TNRC6C: variants seen among roughly 807,000 people sequenced by gnomAD.
TNRC6C encodes the protein trinucleotide repeat-containing gene 6C protein.
TNRC6C carries 20 observed loss-of-function variants against 153.7 expected under a neutral mutation model. The ratio of observed to expected loss-of-function variants is 0.13; its 90% CI spans 0.09 to 0.19. TNRC6C has a LOEUF of 0.19. Ranked by LOEUF, TNRC6C falls within the 10% of genes least tolerant of loss-of-function variation. The pLI, the probability that TNRC6C is intolerant of heterozygous loss-of-function variation, is 1.00. For missense variants in TNRC6C, 1,987 were observed against 2,172.0 expected (o/e 0.91, Z 1.69); for synonymous variants, 811 against 841.4 (o/e 0.96, Z 0.63).
intron 1 of TNRC6C, among the ~76,000 whole-genome samples, chr17:78,014,947 C>T (rs767993642): frequency 3.6e-4 from 55 of 151,956 alleles, no homozygotes; most frequent in Non-Finnish European, 7.4e-4. Flanking sequence ...GGCAACTTCT[C>T]GCCACAATGT....
At chr17:78,059,846 CAAA>C (rs762507955) in intron 3 of TNRC6C, among the ~76,000 whole-genome samples, 17 of 77,660 alleles carry the variant, frequency 2.2e-4, no homozygotes, top group Admixed American at 4.3e-4. Context: ...GACCCTGTCT[CAAA>C]AAAAAAAAAA....
intron 1 of TNRC6C, among the ~76,000 whole-genome samples, chr17:78,022,128 T>G (rs1419610805): frequency 1.3e-5 from 2 of 152,172 alleles, no homozygotes; most frequent in Admixed American, 1.3e-4. Flanking sequence ...CTGTCATATA[T>G]TTGTCTTTGA....
At chr17:78,003,358 A>G (rs1402949084), upstream of TNRC6C, among the ~76,000 whole-genome samples, 16 of 152,234 alleles carry the variant, frequency 1.1e-4, no homozygotes, top group Admixed American at 1.0e-3. Flanking sequence ...AGGAAAAAAG[A>G]TATGCAGAAA....
At chr17:77,990,747 A>G (rs114170851) in intron 1 of TNRC6C, among the ~76,000 whole-genome samples, 1,672 of 152,274 alleles carry the variant, frequency 0.011, 35 homozygotes, top group African/African-American at 0.038. Flanking sequence ...GCCTCAGTAT[A>G]ATGTTTATCT....
intron 2 of TNRC6C, among the ~76,000 whole-genome samples, chr17:78,046,733 C>T (rs2072419312): frequency 6.6e-6 from 1 of 152,158 alleles, no homozygotes; most frequent in Admixed American, 6.5e-5. Context: ...CTAATTCGCT[C>T]TTTACTTTAT....
chr17:78,080,480 G>A (rs2073160304), intron 10 of TNRC6C, among the ~76,000 whole-genome samples: 1 of 152,106 alleles, frequency 6.6e-6, no homozygotes, highest in African/African-American at 2.4e-5. Flanking sequence ...AGGTCAAATC[G>A]AATTAAGGAA....
intron 17 of TNRC6C, among the ~76,000 whole-genome samples, chr17:78,099,406 TG>T (rs1303359184): frequency 3.9e-5 from 6 of 152,232 alleles, no homozygotes; most frequent in Admixed American, 1.3e-4. Context: ...TGAGATTTAT[TG>T]GACTTACAGT....
intron 1 of TNRC6C, among the ~76,000 whole-genome samples, chr17:77,969,678 A>C (rs2070925718): frequency 6.6e-6 from 1 of 151,816 alleles, no homozygotes; most frequent in African/African-American, 2.4e-5. Context: ...GAAAAGCCTG[A>C]TGTTCTTTTC....
rs1160502249 is a variant in TNRC6C at position 77,973,050 on chromosome 17, C to T, written c.-38+13782C>T. ...CCTCCTGCGTAGCTGGGATTACAGG[C>T]GCCTGCCATCACATCCAGCTAAATT... On this transcript the variant is annotated intron_variant, in intron 1 of 22. Coordinates refer to the TNRC6C transcript ENST00000636222. 7.2e-5 allele frequency among the ~76,000 whole-genome samples: 11 copies of T among 152,150 alleles called. No homozygotes were observed. In the East Asian group the frequency reaches 1.2e-3, roughly 16 times the overall value.
chr17:78,093,565 G>A, intron 15 of TNRC6C, 55 bp from the exon 18 acceptor site: 3 of 1,592,016 alleles, frequency 1.9e-6, no homozygotes, highest in African/African-American at 1.3e-5. Context: ...AAAATTTCGT[G>A]AATCAATGTG....
At chr17:78,097,673 C>G in intron 16 of TNRC6C, 72 bp from the exon 19 acceptor site, 2 of 1,095,370 alleles carry the variant, frequency 1.8e-6, no homozygotes, top group East Asian at 5.5e-5. Context: ...TGATGGTTCT[C>G]ACACCCCACA....
At chr17:78,094,412 A>C (rs531030553) in intron 16 of TNRC6C, among the ~76,000 whole-genome samples, 2 of 150,328 alleles carry the variant, frequency 1.3e-5, no homozygotes, top group South Asian at 2.1e-4. Context: ...CATTGGAGCC[A>C]TGTGTTTTGT....
At chr17:77,973,977 G>C (rs2070963389) in intron 1 of TNRC6C, among the ~76,000 whole-genome samples, 1 of 133,016 alleles carries the variant, frequency 7.5e-6, no homozygotes, top group African/African-American at 2.8e-5. Context: ...TGTTGTTGTT[G>C]TTGTTTGTAA....
intron 1 of TNRC6C, among the ~76,000 whole-genome samples, chr17:77,996,084 A>G (rs1381383556): frequency 6.6e-6 from 1 of 152,036 alleles, no homozygotes; most frequent in Non-Finnish European, 1.5e-5. Flanking sequence ...AAAACAAACA[A>G]CAATCCTCCC....
chr17:78,034,281 T>G (rs1487952012), intron 2 of TNRC6C, among the ~76,000 whole-genome samples: 3 of 151,854 alleles, frequency 2.0e-5, no homozygotes, highest in Non-Finnish European at 4.4e-5. Context: ...GGTCTCAAAC[T>G]CCTGACCTCA....
chr17:78,029,758 C>T (rs553849828), intron 1 of TNRC6C, among the ~76,000 whole-genome samples: 1 of 151,910 alleles, frequency 6.6e-6, no homozygotes, highest in Admixed American at 6.6e-5. Flanking sequence ...TCTGTAAGCT[C>T]TTTTCTGTGT....
At chr17:78,102,504 G>T in exon 18 of TNRC6C, 1 of 1,608,030 alleles carries the variant, frequency 6.2e-7, no homozygotes, top group Non-Finnish European at 8.5e-7. Context: ...ACCTCAGGAA[G>T]AACCAGCAGC....
intron 1 of TNRC6C, among the ~76,000 whole-genome samples, chr17:77,980,525 T>C (rs1471739982): frequency 2.0e-5 from 3 of 152,326 alleles, no homozygotes; most frequent in Non-Finnish European, 2.9e-5. Flanking sequence ...TGAGGGTTTC[T>C]TCTCACACAT....
chr17:78,064,317 GAA>G (rs139699953), intron 3 of TNRC6C, among the ~76,000 whole-genome samples: 49 of 152,184 alleles, frequency 3.2e-4, no homozygotes, highest in African/African-American at 1.2e-3. Context: ...GACTGGTCTC[GAA>G]CTCCTGACCT....
Sources: gnomAD v4.1 joint callset for allele counts (sites outside exome capture counted in the v4.1 genomes callset) on GRCh38, gnomAD v4.1.1 for gene constraint, MANE v1.5 for transcripts, NCBI Gene and HGNC (gene_info 2026-07-23, HGNC 2026-07-21) for gene names.